KCNMA1: variants seen among roughly 807,000 people sequenced by gnomAD.
KCNMA1 encodes potassium calcium-activated channel subfamily M alpha 1, also known as Calcium-activated potassium channel subunit alpha-1.
Under a neutral mutation model 140.0 loss-of-function variants are expected in KCNMA1, and 29 were observed. That is an observed-to-expected ratio of 0.21 (90% confidence interval 0.15 to 0.28). The LOEUF (loss-of-function observed/expected upper bound fraction) is 0.28, where lower values mean the gene tolerates loss of function less well. Ranked by LOEUF, KCNMA1 falls within the 10% of genes least tolerant of loss-of-function variation. KCNMA1 has a pLI of 1.00. For missense variants in KCNMA1, 880 were observed against 1,602.2 expected (o/e 0.55, Z 7.70); for synonymous variants, 612 against 611.9 (o/e 1.00, Z 0.00).
chr10:77,027,190 T>C (rs1339540009), intron 16 of KCNMA1, among the ~76,000 whole-genome samples: 1 of 152,236 alleles, frequency 6.6e-6, no homozygotes, highest in East Asian at 1.9e-4. Flanking sequence ...AACTCACATA[T>C]TGACTGGGAT....
intron 11 of KCNMA1, 45 bp from the exon 12 acceptor site, chr10:77,084,764 A>C (rs1402376695): frequency 1.5e-6 from 2 of 1,371,666 alleles, no homozygotes; most frequent in Non-Finnish European, 2.1e-6. Context: ...ACATATAAAT[A>C]GCCATGCTCG....
At chr10:76,956,395 C>T (rs186338406) in intron 20 of KCNMA1, among the ~76,000 whole-genome samples, 6 of 152,246 alleles carry the variant, frequency 3.9e-5, no homozygotes, top group Admixed American at 3.3e-4. Context: ...CTACACTCTA[C>T]TCCCCACACA....
chr10:77,350,045 C>T (rs2092686898), intron 2 of KCNMA1, among the ~76,000 whole-genome samples: 1 of 152,096 alleles, frequency 6.6e-6, no homozygotes, highest in Non-Finnish European at 1.5e-5. Flanking sequence ...ACTACAGGCG[C>T]CTGCCACCAC....
chr10:77,470,318 CT>C (rs886600183), intron 1 of KCNMA1, among the ~76,000 whole-genome samples: 14 of 152,228 alleles, frequency 9.2e-5, no homozygotes, highest in Admixed American at 8.5e-4. Flanking sequence ...ACTCAGCAAA[CT>C]GAGGAGGTGA....
intron 2 of KCNMA1, chr10:77,372,888 G>A (rs2094835511): frequency 6.6e-6 from 1 of 152,172 alleles, no homozygotes; most frequent in South Asian, 2.1e-4. Context: ...TCCTTTCAAG[G>A]TCATCTGTGG....
At chr10:77,053,773 C>A (rs887025797) in intron 14 of KCNMA1, among the ~76,000 whole-genome samples, 1 of 152,160 alleles carries the variant, frequency 6.6e-6, no homozygotes, top group Non-Finnish European at 1.5e-5. Context: ...CAGCACCTAC[C>A]TCCATCTCTT....
chr10:77,114,865 G>C (rs2097418144), intron 6 of KCNMA1, among the ~76,000 whole-genome samples: 1 of 152,180 alleles, frequency 6.6e-6, no homozygotes, highest in Non-Finnish European at 1.5e-5. Context: ...GCTTAATGCA[G>C]CCTACAGGGT....
In KCNMA1 at chr10:77,123,179, C is replaced by CAAAAAAAA. The variant is rs61374890; in HGVS notation, c.809-2139_809-2132dup. Among the ~76,000 whole-genome samples, 21 of 59,648 alleles carry CAAAAAAAA rather than the reference C, an allele frequency of 3.5e-4. 1 individual carries two copies. Among genetic ancestry groups the CAAAAAAAA allele is most frequent in the Admixed American group, 1.1e-3 (5 of 4,592 alleles). 39.1% of individuals were successfully genotyped at this position (59,648 alleles called of 152,430 possible). The stretch of plus-strand genomic sequence containing the variant: ...TGGGCGACAGAGCGAGACTCCGTCT[C>CAAAAAAAA]AAAAAAAAAAAAAAAAAAAAAAAAA... On this transcript the variant is annotated intron_variant, in intron 5 of 27. Coordinates refer to ENST00000286628, the MANE Select transcript of KCNMA1 (RefSeq NM_001161352.2).
intron 1 of KCNMA1, among the ~76,000 whole-genome samples, chr10:77,603,378 G>A (rs534736080): frequency 1.2e-4 from 18 of 152,066 alleles, no homozygotes; most frequent in Non-Finnish European, 2.5e-4. Flanking sequence ...AATGAGATGC[G>A]TCCATGGATC....
At chr10:76,937,109 A>G (rs971812453) in intron 23 of KCNMA1, among the ~76,000 whole-genome samples, 1 of 152,204 alleles carries the variant, frequency 6.6e-6, no homozygotes, top group Non-Finnish European at 1.5e-5. Flanking sequence ...CCTTTAGCAA[A>G]GAGACAGTCA....
chr10:77,636,087 T>C, intron 1 of KCNMA1: 1 of 557,662 alleles, frequency 1.8e-6, no homozygotes, highest in Non-Finnish European at 2.7e-6. Flanking sequence ...GAGGCTGCAA[T>C]GTGTATCTAC....
At chr10:77,339,833 T>C (rs890310952) in intron 2 of KCNMA1, among the ~76,000 whole-genome samples, 1 of 152,254 alleles carries the variant, frequency 6.6e-6, no homozygotes, top group South Asian at 2.1e-4. Flanking sequence ...AGGGAACAGC[T>C]TAACCTGATA....
chr10:77,396,241 G>C (rs947052224), intron 2 of KCNMA1, among the ~76,000 whole-genome samples: 1 of 152,086 alleles, frequency 6.6e-6, no homozygotes, highest in Admixed American at 6.5e-5. Flanking sequence ...GCTACACAAG[G>C]CATTGGCCAA....
intron 23 of KCNMA1, among the ~76,000 whole-genome samples, chr10:76,920,018 G>GTGTGTGTGTGTGTGTGTATA (rs2054816699): frequency 2.3e-5 from 1 of 43,584 alleles, no homozygotes; most frequent in Non-Finnish European, 4.0e-5. Flanking sequence ...GTGTGTGTGT[G>GTGTGTGTGTGTGTGTGTATA]TGTATATATA....
chr10:77,535,821 A>G (rs2058756983), intron 1 of KCNMA1, among the ~76,000 whole-genome samples: 1 of 152,238 alleles, frequency 6.6e-6, no homozygotes, highest in Admixed American at 6.5e-5. Flanking sequence ...GTCCTTACTC[A>G]TGTGGAAGCT....
At position 76,898,741 on chromosome 10, in the gene KCNMA1, T is replaced by C. The variant is rs1435608396; in HGVS notation, c.3148-7022A>G. 3.9e-5 allele frequency among the ~76,000 whole-genome samples: 6 copies of C among 151,902 alleles called. No individual in the cohort carries two copies. The East Asian group carries it at 5.8e-4, about 15-fold the overall frequency. On this transcript the variant is annotated intron_variant, in intron 25 of 27. Transcript: ENST00000286628. Reference sequence around the variant, plus strand: ...TTAAAGAATATTTGAGAATGACATATAAAAATATCATGTCTTGAGGCCAAT... The same window carrying C: ...TTAAAGAATATTTGAGAATGACATACAAAAATATCATGTCTTGAGGCCAAT...
At chr10:76,995,523 C>A (rs1384078866) in intron 19 of KCNMA1, 1 of 470,950 alleles carries the variant, frequency 2.1e-6, no homozygotes, top group Admixed American at 2.4e-5. Flanking sequence ...GGGCTCAAGG[C>A]AGAGCCTTGA....
intron 17 of KCNMA1, chr10:77,012,610 C>G (rs996632165): frequency 1.4e-6 from 2 of 1,418,822 alleles, no homozygotes; most frequent in African/African-American, 1.4e-5. Context: ...TCTGTCAAAC[C>G]CCCTCTGGAG....
intron 1 of KCNMA1, among the ~76,000 whole-genome samples, chr10:77,517,063 G>T (rs547738587): frequency 1.3e-5 from 2 of 151,942 alleles, no homozygotes; most frequent in African/African-American, 2.4e-5. Flanking sequence ...GTGAACATGC[G>T]TGTGTGAATG....
Sources: gnomAD v4.1 joint callset for allele counts (sites outside exome capture counted in the v4.1 genomes callset) on GRCh38, gnomAD v4.1.1 for gene constraint, MANE v1.5 for transcripts, NCBI Gene and HGNC (gene_info 2026-07-23, HGNC 2026-07-21) for gene names.